Variants in LNPK observed in about 807,000 individuals in gnomAD.
The protein encoded by LNPK is endoplasmic reticulum junction formation protein lunapark.
Under a neutral mutation model 55.2 loss-of-function variants are expected in LNPK, and 29 were observed. That is an observed-to-expected ratio of 0.53 (90% CI 0.39 to 0.72). The LOEUF (loss-of-function observed/expected upper bound fraction) is 0.72, where lower values mean the gene tolerates loss of function less well. LNPK is among the 30% of genes least tolerant of loss of function. LNPK has a pLI of 0.00. For missense variants in LNPK, 467 were observed against 494.8 expected (o/e 0.94, Z 0.53); for synonymous variants, 162 against 168.2 (o/e 0.96, Z 0.29).
intron 4 of LNPK, among the ~76,000 whole-genome samples, chr2:175,985,998 A>T (rs1428265457): frequency 1.3e-5 from 2 of 152,134 alleles, no homozygotes; most frequent in Non-Finnish European, 2.9e-5. Context: ...TTAATCTATA[A>T]TTTTTTCAAA....
At chr2:175,952,399 A>G (rs997625252) in intron 8 of LNPK, among the ~76,000 whole-genome samples, 30 of 151,996 alleles carry the variant, frequency 2.0e-4, no homozygotes, top group African/African-American at 6.8e-4. Context: ...GTTAGGGCAC[A>G]GGGATATATT....
At chr2:175,996,290 A>T (rs1687928829) in intron 1 of LNPK, among the ~76,000 whole-genome samples, 1 of 152,220 alleles carries the variant, frequency 6.6e-6, no homozygotes, top group African/African-American at 2.4e-5. Flanking sequence ...TTACCATACT[A>T]CTTTCATACT....
intron 12 of LNPK, chr2:175,935,637 T>C (rs1684506778): frequency 5.1e-6 from 1 of 197,364 alleles, no homozygotes. Flanking sequence ...AATGGAATTG[T>C]TGCTTCAGTT....
At chr2:175,982,978 T>G (rs915564034) in intron 4 of LNPK, among the ~76,000 whole-genome samples, 6 of 152,014 alleles carry the variant, frequency 3.9e-5, no homozygotes, top group African/African-American at 1.4e-4. Context: ...AAAACAGAGA[T>G]ATAACTAAAA....
At chr2:175,988,458 G>C (rs993396999) in intron 4 of LNPK, among the ~76,000 whole-genome samples, 2 of 149,484 alleles carry the variant, frequency 1.3e-5, no homozygotes, top group Non-Finnish European at 3.0e-5. Flanking sequence ...GATGCAGTGA[G>C]GCAAGAGTGC....
rs545655161 is a variant in LNPK at position 175,933,166 on chromosome 2, A to T, written c.1055-2967T>A. On this transcript the variant is annotated intron_variant, in intron 12 of 12. Transcript: ENST00000272748. ...TCAATATTCTTGAGATATTATTATT[A>T]TTTTGTTTTACCAAATAGTAACAAT... 3.0e-4 allele frequency among the ~76,000 whole-genome samples: 45 copies of T among 151,912 alleles called. 1 individual carries two copies. The Middle Eastern group carries it at 0.01, about 35-fold the overall frequency.
Position 175,927,277 on chromosome 2 carries a change from A to G in LNPK, c.*2690T>C, listed in dbSNP as rs1684052806. 1 of 152,284 alleles carries G rather than the reference A, an allele frequency of 6.6e-6. No homozygotes were observed. The highest frequency in any genetic ancestry group is 2.4e-5 in the African/African-American group (1 of 41,486). The allele number at this position is 152,284 out of a possible 1,614,324, so 9.4% of individuals were successfully genotyped here. Reference sequence around the variant, plus strand: ...CAAAGTATTTATTCACACAATATGCATCAAGCATTGTGCTAGACCCTTGAG... The same window carrying G: ...CAAAGTATTTATTCACACAATATGCGTCAAGCATTGTGCTAGACCCTTGAG... On this transcript the variant is annotated 3_prime_UTR_variant, in exon 13 of 13. Coordinates refer to ENST00000272748, the MANE Select transcript of LNPK (RefSeq NM_030650.3).
At chr2:175,984,162 A>G (rs1397212201) in intron 4 of LNPK, among the ~76,000 whole-genome samples, 2 of 150,756 alleles carry the variant, frequency 1.3e-5, no homozygotes, top group South Asian at 2.1e-4. Flanking sequence ...GCTGTAAACC[A>G]TATATATCCA....
chr2:175,937,409 C>A lies in LNPK; in HGVS notation c.989G>T (p.Gly330Val), dbSNP rs758877994. 16 of 1,613,690 alleles carry A rather than the reference C, an allele frequency of 9.9e-6. No individual in the cohort carries two copies. Among genetic ancestry groups the A allele is most frequent in the African/African-American group, 1.3e-5 (1 of 74,910 alleles). ...FSFEKRQVVE[G>V]SSSVGPLPSG... ...TGGCAAGGGACCAACTGAACTTGAA[C>A]CTTCCACCACCTGCCTCTTCTCAAA... Residue 330 changes from glycine (G) to valine (V), a missense_variant, in exon 12 of 13, where the codon GGT becomes GTT. Physicochemically the swap from Gly to Val is moderately radical, Grantham distance 109 (BLOSUM62 -3). Coordinates refer to ENST00000272748, the MANE Select transcript of LNPK (RefSeq NM_030650.3).
At chr2:175,946,293 G>A (rs1161233076) in intron 9 of LNPK, among the ~76,000 whole-genome samples, 1 of 151,908 alleles carries the variant, frequency 6.6e-6, no homozygotes, top group East Asian at 1.9e-4. Flanking sequence ...TAAACAACCA[G>A]GAATTTTAAT....
chr2:176,002,609 C>A (rs1297469923), upstream of LNPK: 1 of 185,542 alleles, frequency 5.4e-6, no homozygotes, highest in Admixed American at 6.4e-5. Flanking sequence ...GACCGCCGCG[C>A]GAGCGAAGAG....
intron 1 of LNPK, 113 bp from the exon 2 acceptor site, chr2:175,995,759 C>A: frequency 5.3e-5 from 12 of 227,900 alleles, no homozygotes; most frequent in Non-Finnish European, 8.6e-5. Flanking sequence ...TTGGATGCCA[C>A]ATATATGGAA....
intron 4 of LNPK, among the ~76,000 whole-genome samples, chr2:175,982,366 A>G (rs1687215339): frequency 6.6e-6 from 1 of 152,208 alleles, no homozygotes; most frequent in African/African-American, 2.4e-5. Context: ...AAAAATTGAA[A>G]TATACTCTCT....
chr2:175,997,170 T>G (rs1687971118), intron 1 of LNPK, among the ~76,000 whole-genome samples: 1 of 152,190 alleles, frequency 6.6e-6, no homozygotes, highest in Non-Finnish European at 1.5e-5. Flanking sequence ...CACAAAGTAA[T>G]TTTTAAGGAC....
intron 1 of LNPK, among the ~76,000 whole-genome samples, chr2:175,998,600 T>C (rs1688047496): frequency 6.6e-6 from 1 of 152,212 alleles, no homozygotes; most frequent in African/African-American, 2.4e-5. Context: ...TGAATATTTA[T>C]ATGTAAAATA....
chr2:175,948,588 G>A (rs1379047594), intron 8 of LNPK, among the ~76,000 whole-genome samples: 1 of 152,190 alleles, frequency 6.6e-6, no homozygotes, highest in Non-Finnish European at 1.5e-5. Context: ...TTACTTGAAT[G>A]TCAGTGGTAA....
chr2:175,929,160 CAA>C lies in LNPK; in HGVS notation c.*805_*806del, dbSNP rs1020721548. 185 of 978,506 alleles carry C rather than the reference CAA, an allele frequency of 1.9e-4. No homozygotes were observed. In the African/African-American group the frequency reaches 3.1e-3, roughly 16 times the overall value. The allele number at this position is 978,506 out of a possible 1,614,324, so 60.6% of individuals were successfully genotyped here. A position where few individuals can be genotyped will look rare whatever the true frequency, so the allele number is the denominator to read the frequency against. On this transcript the variant is annotated 3_prime_UTR_variant, in exon 13 of 13. Transcript: ENST00000272748. ...TTCATTTTCCTTAATAAAATACAAA[CAA>C]GAGCACAAAATTCACTTATATATCA... is the stretch of plus-strand genomic sequence containing the variant.
chr2:175,930,273 TAAAC>T (rs1427181982), intron 12 of LNPK, 74 bp from the exon 13 acceptor site: 2 of 751,712 alleles, frequency 2.7e-6, no homozygotes, highest in East Asian at 2.7e-5. Flanking sequence ...GCAAAAAAGA[TAAAC>T]ACACACACAC....
At chr2:175,972,682 T>C (rs1353842574) in intron 5 of LNPK, among the ~76,000 whole-genome samples, 1 of 152,202 alleles carries the variant, frequency 6.6e-6, no homozygotes, top group Non-Finnish European at 1.5e-5. Flanking sequence ...AGATTTTACA[T>C]ATTTGATTTT....
Sources: gnomAD v4.1 joint callset for allele counts (sites outside exome capture counted in the v4.1 genomes callset) on GRCh38, gnomAD v4.1.1 for gene constraint, MANE v1.5 for transcripts, NCBI Gene and HGNC (gene_info 2026-07-23, HGNC 2026-07-21) for gene names.